Variants in ENPP6 observed in about 807,000 individuals in gnomAD.
ENPP6 encodes glycerophosphocholine cholinephosphodiesterase ENPP6.
A neutral mutation model predicts 42.0 loss-of-function variants in ENPP6; 32 were observed. The ratio of observed to expected loss-of-function variants is 0.76; its 90% CI spans 0.58 to 1.02. The LOEUF (loss-of-function observed/expected upper bound fraction) is 1.02. Ranked by LOEUF, ENPP6 falls within the 50% of genes least tolerant of loss-of-function variation. The pLI is 0.00. For synonymous variants in ENPP6, 213 were observed against 216.0 expected (o/e 0.99, Z 0.12); for missense variants, 552 against 566.8 (o/e 0.97, Z 0.27).
At chr4:184,153,875 A>T in intron 1 of ENPP6, 142 bp from the exon 2 acceptor site, 5 of 1,007,190 alleles carry the variant, frequency 5.0e-6, no homozygotes, top group Non-Finnish European at 6.9e-6. Context: ...TTAAAAAAAA[A>T]TCAGATTTTT....
intron 1 of ENPP6, among the ~76,000 whole-genome samples, chr4:184,203,576 G>A (rs1159494740): frequency 1.3e-5 from 2 of 152,198 alleles, no homozygotes; most frequent in African/African-American, 2.4e-5. Context: ...AGAATGCCCC[G>A]TGACAATGGA....
intron 1 of ENPP6, among the ~76,000 whole-genome samples, chr4:184,166,504 G>A (rs893694313): frequency 2.0e-5 from 3 of 152,218 alleles, no homozygotes; most frequent in Non-Finnish European, 4.4e-5. Context: ...GGACAAAAAT[G>A]TGAGCCCTGA....
intron 2 of ENPP6, among the ~76,000 whole-genome samples, chr4:184,141,931 C>T (rs997116154): frequency 7.2e-5 from 11 of 152,142 alleles, no homozygotes; most frequent in Non-Finnish European, 1.0e-4. Flanking sequence ...ACAATACGGA[C>T]GATGCCCCCC....
chr4:184,199,291 G>A (rs1732854931), intron 1 of ENPP6, among the ~76,000 whole-genome samples: 1 of 152,152 alleles, frequency 6.6e-6, no homozygotes, highest in African/African-American at 2.4e-5. Flanking sequence ...ACGGGCTGGG[G>A]GGCTGTTGTC....
chr4:184,200,291 C>G (rs1400379897), intron 1 of ENPP6, among the ~76,000 whole-genome samples: 1 of 152,200 alleles, frequency 6.6e-6, no homozygotes, highest in African/African-American at 2.4e-5. Context: ...ACGTCCGGAC[C>G]CACTCGGCAC....
At chr4:184,177,473 G>A (rs114067114) in intron 1 of ENPP6, among the ~76,000 whole-genome samples, 1 of 152,194 alleles carries the variant, frequency 6.6e-6, no homozygotes, top group Non-Finnish European at 1.5e-5. Flanking sequence ...AGACGAGTGG[G>A]ATTCCTTCCA....
intron 1 of ENPP6, among the ~76,000 whole-genome samples, chr4:184,204,301 A>G (rs1302174244): frequency 6.6e-6 from 1 of 152,162 alleles, no homozygotes; most frequent in Non-Finnish European, 1.5e-5. Flanking sequence ...GTGGCCTGAT[A>G]TTTTTAAACA....
chr4:184,122,545 C>T (rs1292393499), intron 3 of ENPP6, among the ~76,000 whole-genome samples: 2 of 152,146 alleles, frequency 1.3e-5, no homozygotes, highest in Non-Finnish European at 2.9e-5. Context: ...GCTGGTGTCT[C>T]TCAGGACAGG....
At chr4:184,217,158 G>A (rs1188866766) in intron 1 of ENPP6, among the ~76,000 whole-genome samples, 2 of 151,950 alleles carry the variant, frequency 1.3e-5, no homozygotes, top group Non-Finnish European at 2.9e-5. Flanking sequence ...TGAGAAACAA[G>A]CCCACAGGGT....
chr4:184,126,500 A>C (rs571007241), intron 2 of ENPP6, among the ~76,000 whole-genome samples: 28 of 152,342 alleles, frequency 1.8e-4, no homozygotes, highest in African/African-American at 5.3e-4. Context: ...ACCTAGGCTA[A>C]AGGTAGGATA....
At chr4:184,105,524 C>T (rs1736072702) in intron 6 of ENPP6, among the ~76,000 whole-genome samples, 4 of 152,108 alleles carry the variant, frequency 2.6e-5, no homozygotes, top group Admixed American at 2.6e-4. Context: ...GGGTTAGTTG[C>T]TCAGAGATTT....
intron 1 of ENPP6, among the ~76,000 whole-genome samples, chr4:184,215,049 G>A (rs1484627766): frequency 1.3e-5 from 2 of 152,196 alleles, no homozygotes; most frequent in Non-Finnish European, 2.9e-5. Flanking sequence ...TCTGCATCCA[G>A]CAGCACCTGA....
rs17623373 is a variant in ENPP6 at position 184,200,580 on chromosome 4, T to C, written c.241+16999A>G. On this transcript the variant is annotated intron_variant, in intron 1 of 7. Coordinates refer to ENST00000296741, the MANE Select transcript of ENPP6 (RefSeq NM_153343.4). ...CTCCATTTGTCTGGTCTTCTCACGC[T>C]AAACAGCAAGAGTGCAGGCCCAGGA... Among the ~76,000 whole-genome samples the C allele has an allele frequency of 0.047, 7,124 of 152,302 alleles. 974 individuals are homozygous for C. The East Asian group carries it at 0.56, about 12-fold the overall frequency.
intron 6 of ENPP6, among the ~76,000 whole-genome samples, chr4:184,102,691 C>T (rs1305740985): frequency 6.6e-6 from 1 of 152,196 alleles, no homozygotes. Flanking sequence ...TTGCCTGGTG[C>T]CTCCTGCTCT....
chr4:184,173,026 C>T (rs947729011), intron 1 of ENPP6, among the ~76,000 whole-genome samples: 1 of 152,144 alleles, frequency 6.6e-6, no homozygotes, highest in South Asian at 2.1e-4. Context: ...GCCTCAGCCT[C>T]CTGAGTGGCT....
intron 1 of ENPP6, among the ~76,000 whole-genome samples, chr4:184,204,892 C>T (rs140093413): frequency 2.0e-5 from 3 of 152,248 alleles, no homozygotes; most frequent in African/African-American, 4.8e-5. Flanking sequence ...TTCCCTGAAA[C>T]TCTGAATGTC....
At chr4:184,169,765 C>A (rs1454428725) in intron 1 of ENPP6, among the ~76,000 whole-genome samples, 1 of 152,204 alleles carries the variant, frequency 6.6e-6, no homozygotes, top group Non-Finnish European at 1.5e-5. Flanking sequence ...ATCTCACAAG[C>A]GACTTTGTGT....
intron 1 of ENPP6, among the ~76,000 whole-genome samples, chr4:184,161,680 A>G (rs911448086): frequency 6.6e-6 from 1 of 152,210 alleles, no homozygotes; most frequent in African/African-American, 2.4e-5. Context: ...ATATATATAT[A>G]CCATGGAATA....
chr4:184,148,683 C>T (rs1736967420), intron 2 of ENPP6, among the ~76,000 whole-genome samples: 1 of 152,188 alleles, frequency 6.6e-6, no homozygotes, highest in Non-Finnish European at 1.5e-5. Context: ...TGAATTCAAC[C>T]CAAAGAGGCT....
Sources: gnomAD v4.1 joint callset for allele counts (sites outside exome capture counted in the v4.1 genomes callset) on GRCh38, gnomAD v4.1.1 for gene constraint, MANE v1.5 for transcripts, NCBI Gene and HGNC (gene_info 2026-07-23, HGNC 2026-07-21) for gene names.